PDZD2: variants seen among roughly 807,000 people sequenced by gnomAD.
PDZD2 encodes the protein PDZ domain-containing protein 2.
A neutral mutation model predicts 220.7 loss-of-function variants in PDZD2; 90 were observed. The ratio of observed to expected loss-of-function variants is 0.41; its 90% CI spans 0.34 to 0.49. PDZD2 has a LOEUF of 0.49. Ranked by LOEUF, PDZD2 falls within the 20% of genes least tolerant of loss-of-function variation. The pLI is 0.28. For missense variants in PDZD2, 3,174 were observed against 3,608.5 expected (o/e 0.88, Z 3.08); for synonymous variants, 1,375 against 1,450.5 (o/e 0.95, Z 1.18).
intron 1 of PDZD2, among the ~76,000 whole-genome samples, chr5:31,688,893 T>TG (rs1310958113): frequency 6.6e-6 from 1 of 152,154 alleles, no homozygotes; most frequent in African/African-American, 2.4e-5. Context: ...CAGGCTCCCC[T>TG]GGGGGTAATT....
At chr5:31,779,780 G>A (rs1752952685) in intron 1 of PDZD2, among the ~76,000 whole-genome samples, 1 of 152,078 alleles carries the variant, frequency 6.6e-6, no homozygotes, top group Admixed American at 6.6e-5. Context: ...TAAATATTTA[G>A]GGAATGAATT....
chr5:31,917,502 T>G (rs1249837428), intron 2 of PDZD2, among the ~76,000 whole-genome samples: 1 of 152,212 alleles, frequency 6.6e-6, no homozygotes, highest in African/African-American at 2.4e-5. Flanking sequence ...CACTCCAGCT[T>G]GGGTGACAGA....
At chr5:31,648,353 C>T (rs1050508030) in intron 1 of PDZD2, among the ~76,000 whole-genome samples, 9 of 152,180 alleles carry the variant, frequency 5.9e-5, no homozygotes, top group Admixed American at 1.3e-4. Flanking sequence ...ATGTCTCTTT[C>T]AAGCTAGTTC....
chr5:32,043,062 G>GGGGAATCTTGAAAAGAATTCTATTCCA (rs1737576650), intron 7 of PDZD2, among the ~76,000 whole-genome samples: 3 of 152,166 alleles, frequency 2.0e-5, no homozygotes, highest in Non-Finnish European at 4.4e-5. Context: ...TTTGGCTTCT[G>GGGGAATCTTGAAAAGAATTCTATTCCA]GGGAATCTTG....
chr5:31,998,022 T>C (rs112012106), intron 4 of PDZD2, among the ~76,000 whole-genome samples: 34 of 152,282 alleles, frequency 2.2e-4, no homozygotes, highest in African/African-American at 7.5e-4. Context: ...TTTGTATTTT[T>C]AGTAGAGACG....
chr5:31,691,439 C>T (rs933694456), intron 1 of PDZD2, among the ~76,000 whole-genome samples: 1 of 152,162 alleles, frequency 6.6e-6, no homozygotes, highest in Admixed American at 6.5e-5. Context: ...GTTGCCACTG[C>T]TGGCTGGGGC....
At chr5:31,900,032 C>T (rs922582577) in intron 2 of PDZD2, among the ~76,000 whole-genome samples, 5 of 152,116 alleles carry the variant, frequency 3.3e-5, no homozygotes, top group Admixed American at 6.6e-5. Flanking sequence ...GATTTGTTGC[C>T]GGACTAGAAT....
chr5:31,940,193 G>A (rs549756003), intron 2 of PDZD2, among the ~76,000 whole-genome samples: 1 of 152,324 alleles, frequency 6.6e-6, no homozygotes, highest in Admixed American at 6.5e-5. Context: ...CTTGGTGACG[G>A]GGGAACAAGA....
intron 2 of PDZD2, among the ~76,000 whole-genome samples, chr5:31,973,252 C>T (rs1749464961): frequency 6.6e-6 from 1 of 152,144 alleles, no homozygotes. Flanking sequence ...TTGAAATGTG[C>T]AGTGCATCAT....
intron 1 of PDZD2, among the ~76,000 whole-genome samples, chr5:31,682,700 TG>T (rs2150123945): frequency 6.6e-6 from 1 of 151,352 alleles, no homozygotes; most frequent in Non-Finnish European, 1.5e-5. Flanking sequence ...TGTGTGTGTG[TG>T]TGTGTGTGTG....
chr5:31,742,097 T>C (rs1420685300), intron 1 of PDZD2: 1 of 152,218 alleles, frequency 6.6e-6, no homozygotes, highest in East Asian at 1.9e-4. Flanking sequence ...GTCAATTATC[T>C]TTTCTAAATG....
At chr5:31,977,837 G>A (rs1001176178) in intron 2 of PDZD2, among the ~76,000 whole-genome samples, 17 of 152,140 alleles carry the variant, frequency 1.1e-4, no homozygotes, top group Non-Finnish European at 2.5e-4. Context: ...AGGCAGGCAT[G>A]GTAGCGTGCA....
chr5:32,055,536 C>T (rs921819722), intron 10 of PDZD2, among the ~76,000 whole-genome samples: 1 of 67,816 alleles, frequency 1.5e-5, no homozygotes, highest in Non-Finnish European at 3.6e-5. Context: ...GCATGAATCC[C>T]GATTTTTTCC....
chr5:32,108,081 T>C lies in PDZD2; in HGVS notation c.8466T>C (p.Ser2822=). Reference sequence around the variant, plus strand: ...TTGATGCCTGGAATATTATGAAGTCTGTCCCAGAAGGACCTGTGCAGTTAT... The same window carrying C: ...TTGATGCCTGGAATATTATGAAGTCCGTCCCAGAAGGACCTGTGCAGTTAT... The part of the protein sequence containing the change: ...MHFDAWNIMK[S]VPEGPVQLLI... Residue 2822 remains serine (S), a synonymous_variant, in exon 25 of 25, where the codon TCT becomes TCC. Coordinates refer to ENST00000438447, the MANE Select transcript of PDZD2 (RefSeq NM_178140.4). 6.2e-7 allele frequency: 1 copy of C among 1,611,930 alleles called. No homozygotes were observed. Among genetic ancestry groups the C allele is most frequent in the Non-Finnish European group, 8.5e-7 (1 of 1,178,016 alleles).
intron 2 of PDZD2, among the ~76,000 whole-genome samples, chr5:31,969,001 G>A (rs1030745885): frequency 6.6e-6 from 1 of 152,122 alleles, no homozygotes; most frequent in Non-Finnish European, 1.5e-5. Context: ...TTGTGACGTT[G>A]GAATGGTGGG....
At chr5:31,814,821 AAAAG>A (rs1354347357) in intron 2 of PDZD2, among the ~76,000 whole-genome samples, 115 of 152,070 alleles carry the variant, frequency 7.6e-4, no homozygotes, top group African/African-American at 2.6e-3. Flanking sequence ...ATCTAAAAAA[AAAAG>A]AAAGAAGGAA....
At chr5:31,700,498 C>T (rs1272775994) in intron 1 of PDZD2, among the ~76,000 whole-genome samples, 2 of 152,160 alleles carry the variant, frequency 1.3e-5, no homozygotes, top group African/African-American at 2.4e-5. Flanking sequence ...CCATGTCCTG[C>T]TTAGGTGGCC....
At chr5:32,069,263 CAAAA>C (rs11361686) in intron 14 of PDZD2, among the ~76,000 whole-genome samples, 7 of 99,326 alleles carry the variant, frequency 7.0e-5, no homozygotes, top group African/African-American at 7.0e-5. Flanking sequence ...GACTCTGTCT[CAAAA>C]AAAAAAAAAA....
At chr5:31,756,532 G>A (rs565844668) in intron 1 of PDZD2, among the ~76,000 whole-genome samples, 2 of 152,336 alleles carry the variant, frequency 1.3e-5, no homozygotes, top group African/African-American at 4.8e-5. Context: ...GTGGCTGGGG[G>A]AGCTATGGGG....
Sources: gnomAD v4.1 joint callset for allele counts (sites outside exome capture counted in the v4.1 genomes callset) on GRCh38, gnomAD v4.1.1 for gene constraint, MANE v1.5 for transcripts, NCBI Gene and HGNC (gene_info 2026-07-23, HGNC 2026-07-21) for gene names.